CNGB3: variants seen among roughly 807,000 people sequenced by gnomAD.
CNGB3 encodes the protein cyclic nucleotide gated channel subunit beta 3.
CNGB3 carries 86 observed loss-of-function variants against 92.8 expected under a neutral mutation model. That is an observed-to-expected ratio of 0.93 (90% CI 0.78 to 1.11). CNGB3 has a LOEUF of 1.11. Ranked by LOEUF, CNGB3 falls within the 50% of genes least tolerant of loss-of-function variation. The pLI is 0.00. For missense variants in CNGB3, 1,026 were observed against 956.8 expected, an observed-to-expected ratio of 1.07 and a Z score of -0.95; for synonymous variants, 333 against 332.7, an observed-to-expected ratio of 1.00 and a Z score of -0.01.
chr8:86,737,889 G>T (rs1483115992), intron 2 of CNGB3, among the ~76,000 whole-genome samples: 3 of 152,074 alleles, frequency 2.0e-5, no homozygotes, highest in Non-Finnish European at 4.4e-5. Context: ...TCGACTGCAG[G>T]GATATTCCTT....
At chr8:86,655,188 C>T (rs1823480341) in intron 6 of CNGB3, among the ~76,000 whole-genome samples, 1 of 152,166 alleles carries the variant, frequency 6.6e-6, no homozygotes, top group Admixed American at 6.5e-5. Context: ...TTCTCATGGC[C>T]ATTCTCTGCT....
intron 3 of CNGB3, among the ~76,000 whole-genome samples, chr8:86,672,330 C>T (rs1195056551): frequency 6.6e-6 from 1 of 152,164 alleles, no homozygotes; most frequent in Admixed American, 6.5e-5. Context: ...AACTCCTGAC[C>T]TCAGGTGGTT....
chr8:86,631,205 T>C (rs1003173150), intron 11 of CNGB3, among the ~76,000 whole-genome samples: 7 of 152,204 alleles, frequency 4.6e-5, no homozygotes, highest in African/African-American at 1.7e-4. Context: ...TTGACGATTT[T>C]GTTAAAATAC....
chr8:86,639,528 A>G (rs1563736657), intron 10 of CNGB3, among the ~76,000 whole-genome samples: 1 of 152,120 alleles, frequency 6.6e-6, no homozygotes, highest in Non-Finnish European at 1.5e-5. Flanking sequence ...CTGCTGCCTA[A>G]TTCTAACTAG....
chr8:86,581,815 C>T (rs1821791387), intron 15 of CNGB3, among the ~76,000 whole-genome samples: 1 of 152,098 alleles, frequency 6.6e-6, no homozygotes, highest in African/African-American at 2.4e-5. Context: ...TCTGAGAAGC[C>T]TCTGTAAGCC....
chr8:86,661,669 C>T (rs1044549563), intron 6 of CNGB3: 43 of 930,590 alleles, frequency 4.6e-5, no homozygotes, highest in African/African-American at 4.4e-4. Context: ...CTCCAGCCAT[C>T]TCTTCTTCCT....
chr8:86,593,908 G>A lies in CNGB3; in HGVS notation c.1781+10185C>T, dbSNP rs556656770. On this transcript the variant is annotated intron_variant, in intron 15 of 17. Transcript: ENST00000320005. ...TGCTGCACCACTGCTGGTAGTCACC[G>A]CCTGTGTGCCAGGGGCAGAAGGAGT... 217 of 592,974 alleles carry A rather than the reference G, an allele frequency of 3.7e-4. 1 individual carries two copies. Among genetic ancestry groups the A allele is most frequent in the South Asian group, 2.8e-3 (175 of 63,324 alleles). 36.7% of individuals were successfully genotyped at this position (592,974 alleles called of 1,614,324 possible). A position where few individuals can be genotyped will look rare whatever the true frequency, so the allele number is the denominator to read the frequency against.
intron 3 of CNGB3, among the ~76,000 whole-genome samples, chr8:86,708,935 G>T (rs771641861): frequency 6.6e-6 from 1 of 152,094 alleles, no homozygotes; most frequent in South Asian, 2.1e-4. Context: ...GTGAATATAG[G>T]TAACTGTTTC....
chr8:86,640,488 G>T (rs78519228), intron 10 of CNGB3, among the ~76,000 whole-genome samples: 1,526 of 152,146 alleles, frequency 0.01, 22 homozygotes, highest in African/African-American at 0.032. Context: ...TGGTAAGGAA[G>T]TCCCCTCTAC....
intron 5 of CNGB3, 46 bp downstream of exon 5, chr8:86,667,973 G>A (rs1398259799): frequency 1.9e-6 from 3 of 1,606,420 alleles, no homozygotes; most frequent in Non-Finnish European, 2.6e-6. Context: ...GGGTTTCTTG[G>A]TGATAGCCAG....
At chr8:86,592,264 C>G (rs368312622) in intron 15 of CNGB3, among the ~76,000 whole-genome samples, 3 of 152,138 alleles carry the variant, frequency 2.0e-5, no homozygotes, top group African/African-American at 4.8e-5. Context: ...GAGATGAACC[C>G]GGTACCTCAG....
intron 13 of CNGB3, among the ~76,000 whole-genome samples, chr8:86,622,789 C>T (rs527763996): frequency 1.9e-4 from 29 of 152,190 alleles, no homozygotes; most frequent in Non-Finnish European, 3.8e-4. Flanking sequence ...GTTGGCTTTG[C>T]TTGTTGTTTC....
chr8:86,722,185 ACT>A (rs4024070), intron 3 of CNGB3, among the ~76,000 whole-genome samples: 44,348 of 151,788 alleles, frequency 0.29, 6,820 homozygotes, highest in East Asian at 0.4. Context: ...CAGCCATTCA[ACT>A]CTGTCTCCTT....
At chr8:86,684,490 C>G (rs1824144743) in intron 3 of CNGB3, among the ~76,000 whole-genome samples, 1 of 152,072 alleles carries the variant, frequency 6.6e-6, no homozygotes, top group Admixed American at 6.6e-5. Flanking sequence ...TAATTGTACT[C>G]CTGGGTATTT....
chr8:86,620,283 G>A (rs889318996), intron 13 of CNGB3, among the ~76,000 whole-genome samples: 3 of 152,164 alleles, frequency 2.0e-5, no homozygotes, highest in Non-Finnish European at 4.4e-5. Context: ...GGCTGTGTGT[G>A]CTTTAAACAA....
chr8:86,700,339 C>G (rs1172756561), intron 3 of CNGB3, among the ~76,000 whole-genome samples: 1 of 152,094 alleles, frequency 6.6e-6, no homozygotes, highest in East Asian at 1.9e-4. Context: ...TACTAAGAAC[C>G]ATTCAATTAA....
At chr8:86,629,576 C>T (rs1429528454) in intron 11 of CNGB3, among the ~76,000 whole-genome samples, 2 of 152,152 alleles carry the variant, frequency 1.3e-5, no homozygotes, top group Non-Finnish European at 2.9e-5. Flanking sequence ...CATAGATTAT[C>T]CAGTGTGGCT....
chr8:86,644,553 C>T (rs1823257187), intron 9 of CNGB3, 69 bp downstream of exon 9: 1 of 1,569,836 alleles, frequency 6.4e-7, no homozygotes, highest in Non-Finnish European at 8.7e-7. Context: ...ATATCCCTGC[C>T]AAATTCCGTC....
intron 3 of CNGB3, among the ~76,000 whole-genome samples, chr8:86,694,263 CG>C (rs1196655493): frequency 6.7e-6 from 1 of 149,204 alleles, no homozygotes; most frequent in Non-Finnish European, 1.5e-5. Context: ...GGCGGCTGGC[CG>C]GGCAAAGGGG....
Sources: allele counts gnomAD v4.1 joint callset (sites outside exome capture counted in the v4.1 genomes callset), GRCh38; gene constraint gnomAD v4.1.1; transcripts MANE v1.5; gene names NCBI Gene and HGNC (gene_info 2026-07-23, HGNC 2026-07-21).